Variants in SLC12A9 observed in about 807,000 individuals in gnomAD.
SLC12A9 encodes the protein CCC-interacting protein 1.
In SLC12A9, 55 loss-of-function variants were observed where a neutral mutation model predicts 66.0. That is an observed-to-expected ratio of 0.83 (90% confidence interval 0.67 to 1.04). SLC12A9 has a LOEUF of 1.04. Among genes scored for constraint, SLC12A9 ranks in the 50% least tolerant of loss-of-function variants. SLC12A9 has a pLI of 0.00. For synonymous variants in SLC12A9, 577 were observed against 569.0 expected (o/e 1.01, Z -0.20); for missense variants, 1,061 against 1,241.9 (o/e 0.85, Z 2.19).
At chr7:100,858,109 TCC>T (rs1398292841) in intron 5 of SLC12A9, 1 of 150,132 alleles carries the variant, frequency 6.7e-6, no homozygotes, top group African/African-American at 2.5e-5. Context: ...AGAACGAGAC[TCC>T]GTCTCAAAAA....
intron 1 of SLC12A9, among the ~76,000 whole-genome samples, chr7:100,834,915 C>CA (rs1396874411): frequency 4.6e-5 from 7 of 152,068 alleles, no homozygotes; most frequent in Non-Finnish European, 8.8e-5. Context: ...CCTGTAATCC[C>CA]AACTATACAG....
At chr7:100,837,346 A>G (rs1334868767) in intron 1 of SLC12A9, 1 of 142,008 alleles carries the variant, frequency 7.0e-6, no homozygotes, top group Admixed American at 7.9e-5. Context: ...TTCCATTAAA[A>G]AATGGTGGAG....
chr7:100,845,094 T>G (rs1030517652), intron 1 of SLC12A9, among the ~76,000 whole-genome samples: 6 of 151,750 alleles, frequency 4.0e-5, no homozygotes, highest in Non-Finnish European at 8.8e-5. Flanking sequence ...GCCTCAATCA[T>G]TGGACAATAC....
At chr7:100,848,162 G>A (rs1027618912), upstream of SLC12A9, among the ~76,000 whole-genome samples, 2 of 151,464 alleles carry the variant, frequency 1.3e-5, no homozygotes, top group African/African-American at 2.4e-5. Flanking sequence ...TCAGAGTAGA[G>A]GTCTGGGCTA....
chr7:100,836,827 A>G (rs1236389442), intron 1 of SLC12A9, among the ~76,000 whole-genome samples: 1 of 130,698 alleles, frequency 7.7e-6, no homozygotes, highest in Non-Finnish European at 1.6e-5. Context: ...CAGATTCACC[A>G]GACTTAATCC....
At chr7:100,850,205 C>T (rs975552387), upstream of SLC12A9, among the ~76,000 whole-genome samples, 10 of 145,504 alleles carry the variant, frequency 6.9e-5, no homozygotes, top group African/African-American at 2.5e-4. Context: ...TCTTTCCTTC[C>T]CTCCCTCCCT....
At chr7:100,855,885 G>A (rs963244455) in intron 4 of SLC12A9, 48 bp downstream of exon 4, 4 of 1,531,366 alleles carry the variant, frequency 2.6e-6, no homozygotes, top group South Asian at 1.3e-5. Flanking sequence ...TACAGGGTCT[G>A]GGAGTGTGGG....
chr7:100,843,160 A>T (rs1417217500), intron 1 of SLC12A9, among the ~76,000 whole-genome samples: 1 of 152,254 alleles, frequency 6.6e-6, no homozygotes, highest in African/African-American at 2.4e-5. Context: ...CTTGTACTTT[A>T]GTCCAATTGG....
At position 100,859,945 on chromosome 7, in the gene SLC12A9, G is replaced by T. The variant is rs750503169; in HGVS notation, c.1038G>T (p.Val346=). The change falls in exon 8 of 14, where the codon GTG becomes GTT. Residue 346 remains valine (V), a synonymous_variant. Transcript: ENST00000354161. ...CCATCAGCCTGTGGCCCCCACTGGTGTTGATCGGAATCTATGCCACAGCGC... is the reference window on the plus strand; with the variant it reads ...CCATCAGCCTGTGGCCCCCACTGGTTTTGATCGGAATCTATGCCACAGCGC... ...FRAISLWPPL[V]LIGIYATALS... 3.1e-6 allele frequency: 5 copies of T among 1,612,374 alleles called. No individual in the cohort carries two copies. In the Admixed American group the frequency reaches 8.3e-5, roughly 27 times the overall value.
chr7:100,858,897 C>T lies in SLC12A9; in HGVS notation c.820C>T (p.Leu274Phe). 6.2e-7 allele frequency: 1 copy of T among 1,614,188 alleles called. No individual in the cohort carries two copies. The highest frequency in any genetic ancestry group is 8.5e-7 in the Non-Finnish European group (1 of 1,180,028). The change falls in exon 6 of 14, where the codon CTC becomes TTC. Residue 274 changes from leucine to phenylalanine, a missense_variant. Coordinates refer to ENST00000354161, the MANE Select transcript of SLC12A9 (RefSeq NM_020246.4). The stretch of plus-strand genomic sequence containing the variant: ...GAATTTTGCCAGCGTCTTTGCTGTC[C>T]TCTTTAACGGCTGTACAGGCATCAT... ...VMNFASVFAV[L>F]FNGCTGIMAG...
rs1218627620 is a variant in SLC12A9 at position 100,833,556 on chromosome 7, C to T, written n.228+6509C>T. 3.3e-5 allele frequency among the ~76,000 whole-genome samples: 5 copies of T among 149,636 alleles called. No individual in the cohort carries two copies. The East Asian group carries it at 8.0e-4, about 24-fold the overall frequency. On this transcript the variant is annotated intron_variant and non_coding_transcript_variant, in intron 1 of 1. Transcript: ENST00000461016. ...GTATGGTGGCTCATGCCTGTAATCCCAGCACTTTGGGAGGCCGAGGTGGGA... is the reference window on the plus strand; with the variant it reads ...GTATGGTGGCTCATGCCTGTAATCCTAGCACTTTGGGAGGCCGAGGTGGGA...
At position 100,827,676 on chromosome 7, in the gene SLC12A9, G is replaced by A. The variant is rs543274717; in HGVS notation, n.228+629G>A. Among the ~76,000 whole-genome samples, 3 of 152,284 alleles carry A rather than the reference G, an allele frequency of 2.0e-5. No homozygotes were observed. In the South Asian group the frequency reaches 6.2e-4, roughly 32 times the overall value. On this transcript the variant is annotated intron_variant and non_coding_transcript_variant, in intron 1 of 1. Transcript: ENST00000461016. ...AGGGAAGCGGAGAGGGGCACCGAGT[G>A]GAGCAGGTCGGGAAGTTGAGAGAAA...
chr7:100,866,443 T>C lies in SLC12A9; in HGVS notation c.2583T>C (p.Ala861=), dbSNP rs1174462995. 18 of 1,549,686 alleles carry C rather than the reference T, an allele frequency of 1.2e-5. No individual in the cohort carries two copies. In the South Asian group the frequency reaches 1.8e-4, roughly 15 times the overall value. The change falls in exon 14 of 14, where the codon GCT becomes GCC. Residue 861 remains alanine (A), a synonymous_variant. Coordinates refer to ENST00000354161, the MANE Select transcript of SLC12A9 (RefSeq NM_020246.4). This position sits in a 1 kb window ranked among gnomAD's most constrained non-coding sequence, Gnocchi z 7.3. ...CGGGTGGGCCGGAGGGTGGGGATGCTGAGGGCCCCATCACAGCCCTCACCT... is the reference window on the plus strand; with the variant it reads ...CGGGTGGGCCGGAGGGTGGGGATGCCGAGGGCCCCATCACAGCCCTCACCT... ...GGPGGPEGGD[A]EGPITALTFL...
chr7:100,826,899 C>A, exon 1 of SLC12A9: 1 of 1,490,260 alleles, frequency 6.7e-7, no homozygotes, highest in African/African-American at 1.4e-5. Flanking sequence ...CAGAGGCCGG[C>A]CCCTCCACTC....
chr7:100,866,176 G>A lies in SLC12A9; in HGVS notation c.2316G>A (p.Leu772=). Residue 772 remains leucine, a synonymous_variant, in exon 14 of 14, where the codon CTG becomes CTA. Coordinates refer to ENST00000354161, the MANE Select transcript of SLC12A9 (RefSeq NM_020246.4). This position sits in a 1 kb window ranked among gnomAD's most constrained non-coding sequence, Gnocchi z 7.3. ...HSARLRIFLC[L]GPREAPGAAE... ...CCCGGCTCCGGATCTTCCTGTGCCT[G>A]GGGCCTCGGGAGGCGCCTGGGGCGG... The A allele has an allele frequency of 6.2e-7, 1 of 1,612,462 alleles. No homozygotes were observed.
chr7:100,843,264 A>G (rs189278936), intron 1 of SLC12A9, among the ~76,000 whole-genome samples: 1 of 152,374 alleles, frequency 6.6e-6, no homozygotes, highest in Non-Finnish European at 1.5e-5. Flanking sequence ...TTTGACTCTC[A>G]TGTCTATTTA....
At chr7:100,851,835 C>T (rs1299910578), upstream of SLC12A9, among the ~76,000 whole-genome samples, 1 of 146,400 alleles carries the variant, frequency 6.8e-6, no homozygotes, top group African/African-American at 2.5e-5. Context: ...TTCCAAGCTC[C>T]AATTTCCTAA....
At chr7:100,833,303 T>A (rs1813579710) in intron 1 of SLC12A9, among the ~76,000 whole-genome samples, 1 of 149,528 alleles carries the variant, frequency 6.7e-6, no homozygotes, top group African/African-American at 2.5e-5. Flanking sequence ...GGCCCGTCTC[T>A]ACTAAAAATA....
intron 7 of SLC12A9, 65 bp from the exon 8 acceptor site, chr7:100,859,820 G>C: frequency 1.3e-6 from 2 of 1,532,320 alleles, no homozygotes; most frequent in Non-Finnish European, 1.8e-6. Context: ...CCTTAAGATC[G>C]GGGCTGGAGA....
Sources: gnomAD v4.1 joint callset for allele counts (sites outside exome capture counted in the v4.1 genomes callset) on GRCh38, gnomAD v4.1.1 for gene constraint, Gnocchi (gnomAD v3.1) non-coding constraint, MANE v1.5 for transcripts, NCBI Gene and HGNC (gene_info 2026-07-23, HGNC 2026-07-21) for gene names.